Variants in PCDHGA1 observed in about 807,000 individuals in gnomAD.
PCDHGA1 encodes the protein protocadherin gamma subfamily A, 1, also known as protocadherin gamma-A1.
In PCDHGA1, 32 loss-of-function variants were observed where a neutral mutation model predicts 58.0. That is an observed-to-expected ratio of 0.55 (90% CI 0.42 to 0.74). The LOEUF (loss-of-function observed/expected upper bound fraction) is 0.74. Ranked by LOEUF, PCDHGA1 falls within the 30% of genes least tolerant of loss-of-function variation. The pLI is 0.00. For synonymous variants in PCDHGA1, 498 were observed against 501.1 expected, an observed-to-expected ratio of 0.99 and a Z score of 0.08; for missense variants, 1,205 against 1,182.3, an observed-to-expected ratio of 1.02 and a Z score of -0.28.
chr5:141,375,452 T>C (rs772369254), intron 1 of PCDHGA1: 2 of 1,613,876 alleles, frequency 1.2e-6, no homozygotes, highest in Non-Finnish European at 1.7e-6. Context: ...CCATTCATCC[T>C]ACTCAGTCTA....
intron 1 of PCDHGA1, among the ~76,000 whole-genome samples, chr5:141,336,831 A>G (rs554001383): frequency 3.3e-5 from 5 of 152,224 alleles, no homozygotes; most frequent in Admixed American, 6.5e-5. Flanking sequence ...AAAGAACAAT[A>G]TCAATAGAGT....
chr5:141,356,659 A>T (rs779642478), intron 1 of PCDHGA1: 13 of 1,613,932 alleles, frequency 8.1e-6, no homozygotes, highest in Non-Finnish European at 1.0e-5. Flanking sequence ...CAATGCCCGA[A>T]TCACTTACTC....
chr5:141,447,648 T>A (rs1262852729), intron 1 of PCDHGA1, among the ~76,000 whole-genome samples: 3 of 152,164 alleles, frequency 2.0e-5, no homozygotes, highest in African/African-American at 4.8e-5. Flanking sequence ...ATGGTAGAAT[T>A]TTCCCCCCCA....
intron 2 of PCDHGA1, among the ~76,000 whole-genome samples, chr5:141,498,394 A>G (rs1043900807): frequency 6.6e-6 from 1 of 152,096 alleles, no homozygotes; most frequent in Non-Finnish European, 1.5e-5. Flanking sequence ...AGGGAATGGC[A>G]GGGAGTTTTC....
At chr5:141,361,302 T>C (rs1486382277) in intron 1 of PCDHGA1, 1 of 1,613,928 alleles carries the variant, frequency 6.2e-7, no homozygotes, top group African/African-American at 1.3e-5. Flanking sequence ...TGTTGGGAAA[T>C]GCCAAGTTTA....
At chr5:141,347,069 T>C (rs60197562) in intron 1 of PCDHGA1, among the ~76,000 whole-genome samples, 1 of 142,486 alleles carries the variant, frequency 7.0e-6, no homozygotes, top group Non-Finnish European at 1.5e-5. Context: ...CTTCCTTCCT[T>C]CCTCTCTCTC....
intron 1 of PCDHGA1, chr5:141,441,139 G>C (rs1000704603): frequency 6.6e-6 from 1 of 152,172 alleles, no homozygotes; most frequent in African/African-American, 2.4e-5. Context: ...ATTTCTAGAA[G>C]ATAATGACAA....
At chr5:141,375,421 C>A in intron 1 of PCDHGA1, 1 of 1,613,998 alleles carries the variant, frequency 6.2e-7, no homozygotes, top group African/African-American at 1.3e-5. Context: ...CAGACACCAA[C>A]GACAACCCGC....
Position 141,330,701 on chromosome 5 carries a change from A to G in PCDHGA1, c.17A>G (p.Lys6Arg). 1 of 1,607,864 alleles carries G rather than the reference A, an allele frequency of 6.2e-7. No individual in the cohort carries two copies. Among genetic ancestry groups the G allele is most frequent in the Non-Finnish European group, 8.5e-7 (1 of 1,175,382 alleles). MKIQKKLTGCSRLMLL... is the reference protein window; with the variant it reads MKIQKRLTGCSRLMLL... ...GAGAGAGCCATGAAGATTCAGAAAA[A>G]GCTGACTGGCTGCAGCAGGCTGATG... Residue 6 changes from lysine (K) to arginine (R), a missense_variant, in exon 1 of 4, where the codon AAG becomes AGG. By Grantham distance (26) the Lys-to-Arg change is conservative. Coordinates refer to ENST00000517417, the MANE Select transcript of PCDHGA1 (RefSeq NM_018912.3).
intron 1 of PCDHGA1, chr5:141,421,033 C>T (rs915028623): frequency 2.4e-5 from 13 of 533,788 alleles, no homozygotes; most frequent in Non-Finnish European, 6.5e-6. Context: ...CCATTGAGTC[C>T]CTCCCTCCCC....
intron 1 of PCDHGA1, chr5:141,351,595 A>G (rs1758765710): frequency 6.2e-7 from 1 of 1,613,974 alleles, no homozygotes. Flanking sequence ...ACGACAATGC[A>G]CCTGTTTTCC....
At chr5:141,341,486 C>T in intron 1 of PCDHGA1, 3 of 1,571,260 alleles carry the variant, frequency 1.9e-6, no homozygotes, top group Non-Finnish European at 2.6e-6. Flanking sequence ...CCCCATATTT[C>T]CTTGAGGGTA....
At chr5:141,385,163 A>G in intron 1 of PCDHGA1, 1 of 1,614,182 alleles carries the variant, frequency 6.2e-7, no homozygotes, top group Admixed American at 1.7e-5. Flanking sequence ...ACCTATTCCC[A>G]TGAGGTCTCC....
At chr5:141,436,074 G>A (rs1048063491) in intron 1 of PCDHGA1, among the ~76,000 whole-genome samples, 3 of 152,058 alleles carry the variant, frequency 2.0e-5, no homozygotes, top group Non-Finnish European at 4.4e-5. Context: ...TAAGTACAGT[G>A]TTCTATAGGT....
intron 1 of PCDHGA1, chr5:141,409,541 G>T: frequency 6.2e-7 from 1 of 1,613,970 alleles, no homozygotes; most frequent in Non-Finnish European, 8.5e-7. Context: ...TGACATCAAC[G>T]ACAACGCCCC....
intron 1 of PCDHGA1, chr5:141,384,650 C>T (rs1213467381): frequency 6.2e-7 from 1 of 1,614,104 alleles, no homozygotes; most frequent in East Asian, 2.2e-5. Context: ...TCCGCAGAGC[C>T]CGGCTACCTG....
At chr5:141,510,658 A>G (rs1162885805) in intron 3 of PCDHGA1, among the ~76,000 whole-genome samples, 1 of 152,178 alleles carries the variant, frequency 6.6e-6, no homozygotes, top group African/African-American at 2.4e-5. Context: ...CATTTTGCAG[A>G]TGAGAAAACT....
intron 2 of PCDHGA1, among the ~76,000 whole-genome samples, chr5:141,504,355 C>T (rs974022699): frequency 6.6e-6 from 1 of 152,078 alleles, no homozygotes; most frequent in Non-Finnish European, 1.5e-5. Flanking sequence ...GTGCTAGGTG[C>T]TTCAGTAGGA....
rs776657082 is a variant in PCDHGA1, at chr5:141,432,778, G to A, written c.2422-62029G>A. On this transcript the variant is annotated intron_variant, in intron 1 of 3. Coordinates refer to ENST00000517417, the MANE Select transcript of PCDHGA1 (RefSeq NM_018912.3). The surrounding 1 kb of genome is among the most constrained non-coding windows in gnomAD (Gnocchi z 6.0). ...CCGACAGCATCCCCCAAGTCCTGGC[G>A]GACCTCGGCAGCCTCGAGTCTCCAG... 6.2e-7 allele frequency: 1 copy of A among 1,614,166 alleles called. No homozygotes were observed. Among genetic ancestry groups the A allele is most frequent in the Non-Finnish European group, 8.5e-7 (1 of 1,180,002 alleles).
Sources: gnomAD v4.1 joint callset for allele counts (sites outside exome capture counted in the v4.1 genomes callset) on GRCh38, gnomAD v4.1.1 for gene constraint, Gnocchi (gnomAD v3.1) non-coding constraint, MANE v1.5 for transcripts, NCBI Gene and HGNC (gene_info 2026-07-23, HGNC 2026-07-21) for gene names.